The following PTPRG variants were observed in gnomAD, a reference collection of about 807,000 sequenced individuals.
PTPRG encodes receptor-type tyrosine-protein phosphatase gamma.
PTPRG carries 102 observed loss-of-function variants against 165.3 expected under a neutral mutation model. The observed-to-expected ratio is 0.62, with a 90% CI of 0.53 to 0.73. The LOEUF (loss-of-function observed/expected upper bound fraction) is 0.73. PTPRG is among the 30% of genes least tolerant of loss of function. The pLI is 0.00. For synonymous variants in PTPRG, 675 were observed against 669.5 expected (o/e 1.01, Z -0.13); for missense variants, 1,866 against 1,861.4 (o/e 1.00, Z -0.05).
intron 1 of PTPRG, 92 bp downstream of exon 1, chr3:61,562,464 C>A: frequency 8.0e-7 from 1 of 1,255,624 alleles, no homozygotes. Context: ...GGCGCCCGTC[C>A]GGGAGACCCT....
chr3:61,817,895 C>A (rs547347381), intron 2 of PTPRG, among the ~76,000 whole-genome samples: 1 of 152,038 alleles, frequency 6.6e-6, no homozygotes, highest in African/African-American at 2.4e-5. Context: ...GTAAAACTTG[C>A]AAGAGGAAGA....
At chr3:61,875,219 A>G (rs143224294) in intron 2 of PTPRG, among the ~76,000 whole-genome samples, 25 of 152,250 alleles carry the variant, frequency 1.6e-4, no homozygotes, top group Non-Finnish European at 3.2e-4. Context: ...GAGTGTTAAT[A>G]GAGGCTTCAG....
chr3:61,801,616 G>A (rs1260168900), intron 2 of PTPRG, among the ~76,000 whole-genome samples: 1 of 152,166 alleles, frequency 6.6e-6, no homozygotes, highest in African/African-American at 2.4e-5. Context: ...AATAACGTCT[G>A]TGTTGGCCTC....
At chr3:61,817,692 C>G (rs1317773900) in intron 2 of PTPRG, among the ~76,000 whole-genome samples, 1 of 152,150 alleles carries the variant, frequency 6.6e-6, no homozygotes, top group Non-Finnish European at 1.5e-5. Flanking sequence ...CCTGAAGTCT[C>G]AAATCAGCTG....
chr3:61,607,607 A>G (rs1036219140), intron 1 of PTPRG, among the ~76,000 whole-genome samples: 3 of 152,170 alleles, frequency 2.0e-5, no homozygotes, highest in African/African-American at 7.2e-5. Context: ...CAAAGATAAC[A>G]GAGTGGCTAC....
rs142713440 is a variant in PTPRG, at chr3:62,001,225, G to T, written c.371-2124G>T. Among the ~76,000 whole-genome samples, 10 of 152,300 alleles carry T rather than the reference G, an allele frequency of 6.6e-5. No individual in the cohort carries two copies. In the East Asian group the frequency reaches 1.9e-3, roughly 29 times the overall value. ...GAAGGGGTGGGTGGACATGTAACATGCTGTGTGCTCTGGTGAGAAACACTG... is the reference window on the plus strand; with the variant it reads ...GAAGGGGTGGGTGGACATGTAACATTCTGTGTGCTCTGGTGAGAAACACTG... On this transcript the variant is annotated intron_variant, in intron 3 of 29. Transcript: ENST00000474889.
At chr3:61,676,448 C>T (rs1263775269) in intron 1 of PTPRG, among the ~76,000 whole-genome samples, 2 of 10,952 alleles carry the variant, frequency 1.8e-4, no homozygotes, top group Non-Finnish European at 3.8e-4. Flanking sequence ...CAGAGCCAGA[C>T]TCCATCTCAA....
intron 1 of PTPRG, among the ~76,000 whole-genome samples, chr3:61,720,043 A>G (rs1255704063): frequency 1.3e-5 from 2 of 151,268 alleles, no homozygotes; most frequent in South Asian, 2.1e-4. Flanking sequence ...TTGTCATTCT[A>G]TATGTTTTAC....
intron 2 of PTPRG, among the ~76,000 whole-genome samples, chr3:61,914,325 T>C (rs2038877932): frequency 6.6e-6 from 1 of 152,232 alleles, no homozygotes; most frequent in Non-Finnish European, 1.5e-5. Context: ...GGTCTTCTAC[T>C]TTAAGACCCA....
Position 62,269,179 on chromosome 3 carries a change from G to C in PTPRG, c.3009+10G>C. On this transcript the variant is annotated intron_variant, in intron 20 of 29. Coordinates refer to ENST00000474889, the MANE Select transcript of PTPRG (RefSeq NM_002841.4). ...TACAAAAGTGAAAAAGGTATGGAAG[G>C]AATTGGGTAGGCTGCCAGGGCATCC... The C allele has an allele frequency of 6.4e-7, 1 of 1,568,802 alleles. No individual in the cohort carries two copies. The highest frequency in any genetic ancestry group is 1.2e-5 in the South Asian group (1 of 85,298).
chr3:61,753,675 C>A (rs1480501511), intron 2 of PTPRG: 1 of 426,974 alleles, frequency 2.3e-6, no homozygotes, highest in East Asian at 7.1e-5. Flanking sequence ...ACCCCCCAAC[C>A]CCCTGCTTCC....
chr3:61,628,145 CTG>C (rs1418386536), intron 1 of PTPRG, among the ~76,000 whole-genome samples: 40 of 152,150 alleles, frequency 2.6e-4, no homozygotes, highest in Admixed American at 2.6e-3. Context: ...GGAGTGCCGA[CTG>C]TGGATTTAGC....
At chr3:62,264,325 A>G (rs1299456388) in intron 17 of PTPRG, among the ~76,000 whole-genome samples, 1 of 151,982 alleles carries the variant, frequency 6.6e-6, no homozygotes, top group Non-Finnish European at 1.5e-5. Context: ...AAAAAAAAAA[A>G]ATTTCCTAGG....
intron 28 of PTPRG, among the ~76,000 whole-genome samples, chr3:62,286,707 G>GT (rs1702677665): frequency 6.6e-6 from 1 of 151,986 alleles, no homozygotes; most frequent in Admixed American, 6.6e-5. Context: ...ACTTTTAATG[G>GT]AGCCCTTAGA....
chr3:61,621,299 G>A lies in PTPRG; in HGVS notation c.85+58927G>A, dbSNP rs1028418315. Among the ~76,000 whole-genome samples the A allele has an allele frequency of 3.3e-5, 5 of 152,114 alleles. No homozygotes were observed. The East Asian group carries it at 9.7e-4, about 29-fold the overall frequency. On this transcript the variant is annotated intron_variant, in intron 1 of 29. Coordinates refer to ENST00000474889, the MANE Select transcript of PTPRG (RefSeq NM_002841.4). ...CGAGGCTGGCACTGGAGAATGTTGG[G>A]CCGTCCTTCCTTCCATCCTGCAGGG...
chr3:61,965,418 G>A (rs1267702489), intron 2 of PTPRG, among the ~76,000 whole-genome samples: 1 of 151,214 alleles, frequency 6.6e-6, no homozygotes, highest in South Asian at 2.1e-4. Context: ...AACCCAGGAG[G>A]TGGAGGTTGC....
At chr3:62,020,976 C>G (rs2041676225) in intron 4 of PTPRG, among the ~76,000 whole-genome samples, 1 of 151,982 alleles carries the variant, frequency 6.6e-6, no homozygotes, top group African/African-American at 2.4e-5. Flanking sequence ...CACCTGGCCT[C>G]ATCTATGTTT....
At chr3:61,772,777 A>G (rs938096025) in intron 2 of PTPRG, among the ~76,000 whole-genome samples, 1 of 152,368 alleles carries the variant, frequency 6.6e-6, no homozygotes, top group Non-Finnish European at 1.5e-5. Flanking sequence ...CTACCAAAGC[A>G]CTGCAGTATC....
At chr3:62,159,934 A>G (rs1190099823) in intron 7 of PTPRG, among the ~76,000 whole-genome samples, 1 of 152,198 alleles carries the variant, frequency 6.6e-6, no homozygotes, top group Admixed American at 6.5e-5. Flanking sequence ...TCCAAGTATT[A>G]TCGCTTCAGA....
Sources: allele counts gnomAD v4.1 joint callset (sites outside exome capture counted in the v4.1 genomes callset), GRCh38; gene constraint gnomAD v4.1.1; transcripts MANE v1.5; gene names NCBI Gene and HGNC (gene_info 2026-07-23, HGNC 2026-07-21).